The following SPATS2L variants were observed in gnomAD, a reference collection of about 807,000 sequenced individuals.
SPATS2L encodes the protein spermatogenesis associated serine rich 2 like.
A neutral mutation model predicts 59.6 loss-of-function variants in SPATS2L; 30 were observed. The observed-to-expected ratio is 0.50, with a 90% CI of 0.38 to 0.68. The LOEUF (loss-of-function observed/expected upper bound fraction) is 0.68, where lower values mean the gene tolerates loss of function less well. Ranked by LOEUF, SPATS2L falls within the 30% of genes least tolerant of loss-of-function variation. The pLI is 0.00. For missense variants in SPATS2L, 615 were observed against 700.0 expected (o/e 0.88, Z 1.37); for synonymous variants, 252 against 263.5 (o/e 0.96, Z 0.42).
chr2:200,462,315 A>G (rs1228975504), intron 9 of SPATS2L, among the ~76,000 whole-genome samples: 1 of 152,172 alleles, frequency 6.6e-6, no homozygotes. Flanking sequence ...ATCTCTGGAG[A>G]GCATCCCATT....
At chr2:200,309,755 AAAAC>A (rs1294358991) in intron 1 of SPATS2L, among the ~76,000 whole-genome samples, 10 of 152,244 alleles carry the variant, frequency 6.6e-5, no homozygotes, top group Non-Finnish European at 1.2e-4. Context: ...TTATAGAAGA[AAAAC>A]AAACCTTTCT....
At chr2:200,476,067 A>G (rs976824837) in intron 12 of SPATS2L, among the ~76,000 whole-genome samples, 3 of 152,346 alleles carry the variant, frequency 2.0e-5, no homozygotes, top group Non-Finnish European at 4.4e-5. Flanking sequence ...CATTCAGTGC[A>G]TGGTAAGCAC....
chr2:200,362,415 A>G (rs569235308), intron 2 of SPATS2L, among the ~76,000 whole-genome samples: 1 of 152,370 alleles, frequency 6.6e-6, no homozygotes, highest in African/African-American at 2.4e-5. Flanking sequence ...GGAGCTGCAC[A>G]GTCTTCTGGC....
chr2:200,334,087 C>T (rs1429727605), intron 2 of SPATS2L, among the ~76,000 whole-genome samples: 8 of 152,202 alleles, frequency 5.3e-5, no homozygotes, highest in Admixed American at 5.2e-4. Context: ...CACTGTCTTC[C>T]ACAATGGTTG....
chr2:200,327,687 G>A (rs1456324059), intron 1 of SPATS2L, among the ~76,000 whole-genome samples: 1 of 152,178 alleles, frequency 6.6e-6, no homozygotes, highest in Non-Finnish European at 1.5e-5. Flanking sequence ...AGTGTGAAAA[G>A]CATATTTTAA....
chr2:200,327,937 A>G (rs1382411483), intron 1 of SPATS2L, among the ~76,000 whole-genome samples: 1 of 152,220 alleles, frequency 6.6e-6, no homozygotes, highest in African/African-American at 2.4e-5. Flanking sequence ...TTTATTAAAG[A>G]AAGTCAATTA....
At chr2:200,464,291 T>G (rs534768078) in intron 9 of SPATS2L, among the ~76,000 whole-genome samples, 1 of 152,348 alleles carries the variant, frequency 6.6e-6, no homozygotes, top group South Asian at 2.1e-4. Context: ...TTTTTCATAA[T>G]GAAAGCCTTT....
rs557919481 is a variant in SPATS2L, at chr2:200,344,349, C to T, written c.-23+14869C>T. Among the ~76,000 whole-genome samples, 211 of 152,240 alleles carry T rather than the reference C, an allele frequency of 1.4e-3. 2 individuals are homozygous for T. The highest frequency in any genetic ancestry group is 5.2e-3 in the South Asian group (25 of 4,824). ...TGTTTTCTGTTCCTATGTTAGTTTGCTAAGGATAATGGCCTCCAGCTCCAT... is the reference window on the plus strand; with the variant it reads ...TGTTTTCTGTTCCTATGTTAGTTTGTTAAGGATAATGGCCTCCAGCTCCAT... On this transcript the variant is annotated intron_variant, in intron 2 of 12. Transcript: ENST00000409140.
chr2:200,314,346 A>G (rs2079291875), intron 1 of SPATS2L, among the ~76,000 whole-genome samples: 1 of 152,236 alleles, frequency 6.6e-6, no homozygotes, highest in East Asian at 1.9e-4. Flanking sequence ...TCCTCCCTGT[A>G]TCATAACCTT....
In SPATS2L at chr2:200,309,182, G is replaced by A. The variant is rs2079119837; in HGVS notation, c.-73+2260G>A. On this transcript the variant is annotated intron_variant, in intron 1 of 12. Transcript: ENST00000409140. ...GTGAGTTTCTCAGTCTGCGATCAGA[G>A]TTGTGTTATCAATCACAGTGAATGT... The A allele has an allele frequency of 7.0e-6, 5 of 716,086 alleles. No homozygotes were observed. The East Asian group carries it at 8.0e-5, about 12-fold the overall frequency. The allele number at this position is 716,086 out of a possible 1,614,324, so 44.4% of individuals were successfully genotyped here. A position where few individuals can be genotyped will look rare whatever the true frequency, so the allele number is the denominator to read the frequency against.
At chr2:200,324,576 A>G (rs1229242595) in intron 1 of SPATS2L, among the ~76,000 whole-genome samples, 2 of 152,226 alleles carry the variant, frequency 1.3e-5, no homozygotes, top group Non-Finnish European at 2.9e-5. Context: ...TGAGAGGAAC[A>G]AAGGGAAATC....
At chr2:200,435,306 ATAGT>A (rs2084207243) in intron 6 of SPATS2L, among the ~76,000 whole-genome samples, 1 of 152,194 alleles carries the variant, frequency 6.6e-6, no homozygotes, top group African/African-American at 2.4e-5. Context: ...TGCTCACGTA[ATAGT>A]TAAATTCAAA....
In SPATS2L at chr2:200,376,952, G is replaced by A. The variant is rs539578064; in HGVS notation, c.-22-12271G>A. Among the ~76,000 whole-genome samples the A allele has an allele frequency of 7.2e-5, 11 of 152,272 alleles. No homozygotes were observed. The South Asian group carries it at 1.2e-3, about 17-fold the overall frequency. On this transcript the variant is annotated intron_variant, in intron 2 of 12. Coordinates refer to ENST00000409140, the MANE Select transcript of SPATS2L (RefSeq NM_001100423.2). ...AGGTCAGGTTTCAAGGGCCGGCTCC[G>A]TTACTGGCTGGATGCATGTTGGTAA...
At chr2:200,442,893 C>T (rs1200314746) in intron 8 of SPATS2L, among the ~76,000 whole-genome samples, 1 of 152,124 alleles carries the variant, frequency 6.6e-6, no homozygotes, top group African/African-American at 2.4e-5. Context: ...GAAAGAATCA[C>T]TTCTGAATGA....
chr2:200,313,993 C>G (rs977726133), intron 1 of SPATS2L, among the ~76,000 whole-genome samples: 4 of 152,212 alleles, frequency 2.6e-5, no homozygotes, highest in African/African-American at 9.6e-5. Flanking sequence ...ACCTTAGCCT[C>G]CCCTACAGTT....
At position 200,419,481 on chromosome 2, in the gene SPATS2L, C is replaced by A; in HGVS notation, c.430C>A (p.Leu144Ile). Residue 144 changes from leucine (L) to isoleucine (I), a missense_variant, in exon 6 of 13, where the codon CTT becomes ATT. Leu to Ile is a conservative substitution (Grantham distance 5). This residue lies in a region of SPATS2L where 227 missense variants were observed against 257.4 expected (regional missense o/e 0.88). Coordinates refer to ENST00000409140, the MANE Select transcript of SPATS2L (RefSeq NM_001100423.2). ...GATACTTGAGGAACCTTCAAAGGCA[C>A]TTCGTGGGGTCACAGGTCAGTAATG... ...ISILEEPSKA[L>I]RGVTEGNRLL... 6.2e-7 allele frequency: 1 copy of A among 1,613,888 alleles called. No individual in the cohort carries two copies. The highest frequency in any genetic ancestry group is 8.5e-7 in the Non-Finnish European group (1 of 1,179,844).
intron 3 of SPATS2L, among the ~76,000 whole-genome samples, chr2:200,406,542 C>G (rs1345538695): frequency 6.6e-6 from 1 of 152,132 alleles, no homozygotes. Flanking sequence ...CATCTGCACT[C>G]CAGCTTCTCT....
intron 6 of SPATS2L, among the ~76,000 whole-genome samples, chr2:200,424,176 C>T (rs1468744376): frequency 6.6e-6 from 1 of 152,092 alleles, no homozygotes; most frequent in Non-Finnish European, 1.5e-5. Context: ...CAAAATCAGG[C>T]AAAGAGTAGA....
At chr2:200,306,390 AG>A (rs2079011452), upstream of SPATS2L, 2 of 1,002,070 alleles carry the variant, frequency 2.0e-6, no homozygotes, top group Non-Finnish European at 2.4e-6. Context: ...GGGAAAGGCG[AG>A]GAAGTCGGTC....
Sources: allele counts gnomAD v4.1 joint callset (sites outside exome capture counted in the v4.1 genomes callset), GRCh38; gene constraint gnomAD v4.1.1; regional missense constraint gnomAD v4.1.1; transcripts MANE v1.5; gene names NCBI Gene and HGNC (gene_info 2026-07-23, HGNC 2026-07-21).